Variants in NRXN3 observed in about 807,000 individuals in gnomAD.
NRXN3 encodes neurexin III.
NRXN3 carries 32 observed loss-of-function variants against 137.6 expected under a neutral mutation model. The observed-to-expected ratio is 0.23, with a 90% CI of 0.18 to 0.31. The LOEUF is 0.31. Ranked by LOEUF, NRXN3 falls within the 10% of genes least tolerant of loss-of-function variation. NRXN3 has a pLI of 1.00. For synonymous variants in NRXN3, 798 were observed against 784.5 expected (o/e 1.02, Z -0.29); for missense variants, 1,574 against 2,062.5 (o/e 0.76, Z 4.59).
chr14:79,554,793 T>C (rs1487022089), intron 16 of NRXN3, among the ~76,000 whole-genome samples: 1 of 152,136 alleles, frequency 6.6e-6, no homozygotes, highest in Admixed American at 6.6e-5. Flanking sequence ...ATTTTTACTT[T>C]ATTGGTAACT....
intron 18 of NRXN3, among the ~76,000 whole-genome samples, chr14:79,692,700 A>C (rs1220518637): frequency 6.6e-6 from 1 of 152,048 alleles, no homozygotes; most frequent in African/African-American, 2.4e-5. Flanking sequence ...ACAAACAAAA[A>C]AACAAACAAA....
At chr14:78,440,005 T>C (rs2094192836) in intron 4 of NRXN3, among the ~76,000 whole-genome samples, 1 of 152,204 alleles carries the variant, frequency 6.6e-6, no homozygotes, top group Non-Finnish European at 1.5e-5. Context: ...TCCTCCCACA[T>C]GAGGGCATTG....
At chr14:79,294,531 AT>A (rs957255661) in intron 15 of NRXN3, among the ~76,000 whole-genome samples, 10 of 152,186 alleles carry the variant, frequency 6.6e-5, no homozygotes, top group East Asian at 1.9e-4. Context: ...TATTTATTCC[AT>A]TTTTTTAAGC....
intron 4 of NRXN3, among the ~76,000 whole-genome samples, chr14:78,350,520 G>A (rs1419874252): frequency 1.3e-5 from 2 of 152,060 alleles, no homozygotes; most frequent in Non-Finnish European, 2.9e-5. Context: ...GGTATTTGGG[G>A]CCAAAGAGGG....
intron 4 of NRXN3, among the ~76,000 whole-genome samples, chr14:78,332,324 T>G (rs1463179099): frequency 6.7e-6 from 1 of 150,108 alleles, no homozygotes; most frequent in African/African-American, 2.4e-5. Context: ...TCTTCTTTTT[T>G]TTTTTTTTTT....
chr14:78,302,347 G>A (rs909604783), intron 4 of NRXN3, among the ~76,000 whole-genome samples: 1 of 152,108 alleles, frequency 6.6e-6, no homozygotes, highest in Non-Finnish European at 1.5e-5. Context: ...TATGCCTAAT[G>A]GGCTTGTCAC....
At chr14:79,496,229 TCTCTCTCTCA>T (rs1300742140) in intron 16 of NRXN3, among the ~76,000 whole-genome samples, 4 of 144,416 alleles carry the variant, frequency 2.8e-5, no homozygotes, top group Non-Finnish European at 4.5e-5. Flanking sequence ...TCTCTCTCTC[TCTCTCTCTCA>T]CACACACACA....
intron 10 of NRXN3, among the ~76,000 whole-genome samples, chr14:78,932,558 G>A (rs749058747): frequency 1.2e-4 from 19 of 152,164 alleles, no homozygotes; most frequent in Non-Finnish European, 2.5e-4. Context: ...CTGCAAAAAG[G>A]ATGCTATGAC....
intron 19 of NRXN3, among the ~76,000 whole-genome samples, chr14:79,730,632 T>C (rs986033250): frequency 3.9e-5 from 6 of 152,254 alleles, no homozygotes; most frequent in African/African-American, 1.4e-4. Flanking sequence ...TAGCCTGTTA[T>C]AATGCTGGTA....
In NRXN3 at chr14:78,452,798, C is replaced by T. The variant is rs1385960509; in HGVS notation, c.757+154938C>T. Among the ~76,000 whole-genome samples the T allele has an allele frequency of 2.6e-5, 4 of 152,306 alleles. No homozygotes were observed. The East Asian group carries it at 7.7e-4, about 29-fold the overall frequency. ...AATCAATGGCATCAGAGCCAACATC[C>T]AGGCTACAGCTAGCCTTCTAGAGAG... On this transcript the variant is annotated intron_variant, in intron 4 of 20. Coordinates refer to ENST00000335750, the MANE Select transcript of NRXN3 (RefSeq NM_001330195.2).
At chr14:78,384,003 T>C (rs944066007) in intron 4 of NRXN3, among the ~76,000 whole-genome samples, 1 of 152,166 alleles carries the variant, frequency 6.6e-6, no homozygotes. Context: ...GAGGAGTTGA[T>C]TATCTGTAAG....
chr14:78,891,694 G>A (rs535789321), intron 10 of NRXN3, among the ~76,000 whole-genome samples: 61 of 152,016 alleles, frequency 4.0e-4, no homozygotes, highest in African/African-American at 1.4e-3. Context: ...TTGAAAAATG[G>A]ATCATAGCAT....
At chr14:79,171,733 GA>G (rs1288958744) in intron 15 of NRXN3, among the ~76,000 whole-genome samples, 4 of 152,008 alleles carry the variant, frequency 2.6e-5, no homozygotes, top group African/African-American at 9.6e-5. Flanking sequence ...AATATATGGG[GA>G]AAAAATGGCA....
chr14:78,794,355 C>A (rs991576640), intron 8 of NRXN3, among the ~76,000 whole-genome samples: 3 of 152,208 alleles, frequency 2.0e-5, no homozygotes, highest in African/African-American at 7.2e-5. Flanking sequence ...GTACTCCCAC[C>A]TGGGTGACAG....
chr14:79,701,932 G>GT (rs2098756217), intron 19 of NRXN3, among the ~76,000 whole-genome samples: 1 of 152,098 alleles, frequency 6.6e-6, no homozygotes, highest in Non-Finnish European at 1.5e-5. Context: ...GACTGCATGC[G>GT]TTTTAACCAT....
At chr14:78,697,309 T>A (rs1323739745) in intron 6 of NRXN3, among the ~76,000 whole-genome samples, 1 of 151,954 alleles carries the variant, frequency 6.6e-6, no homozygotes, top group Admixed American at 6.6e-5. Flanking sequence ...CCTCTTCTTT[T>A]ATATAAATAT....
chr14:78,435,643 C>T (rs1358100744), intron 4 of NRXN3, among the ~76,000 whole-genome samples: 1 of 152,184 alleles, frequency 6.6e-6, no homozygotes, highest in African/African-American at 2.4e-5. Flanking sequence ...CTGGGCTTCC[C>T]AGTTCACCTA....
chr14:78,245,688 A>G (rs2067570073), intron 2 of NRXN3, among the ~76,000 whole-genome samples: 1 of 152,194 alleles, frequency 6.6e-6, no homozygotes, highest in African/African-American at 2.4e-5. Flanking sequence ...AGACTGGAAC[A>G]TATCAGAGGT....
At chr14:79,280,286 T>G in intron 15 of NRXN3, 1 of 1,614,024 alleles carries the variant, frequency 6.2e-7, no homozygotes, top group South Asian at 1.1e-5. Context: ...GTCCCGTGCG[T>G]TGACCATGCA....
Sources: gnomAD v4.1 joint callset for allele counts (sites outside exome capture counted in the v4.1 genomes callset) on GRCh38, gnomAD v4.1.1 for gene constraint, MANE v1.5 for transcripts, NCBI Gene and HGNC (gene_info 2026-07-23, HGNC 2026-07-21) for gene names.